The following CTNNA3 variants were observed in gnomAD, a reference collection of about 807,000 sequenced individuals.
CTNNA3 encodes catenin alpha 3.
CTNNA3 carries 76 observed loss-of-function variants against 95.7 expected under a neutral mutation model. The observed-to-expected ratio is 0.79, with a 90% CI of 0.66 to 0.96. The LOEUF (loss-of-function observed/expected upper bound fraction) is 0.96, where lower values mean the gene tolerates loss of function less well. CTNNA3 is among the 40% of genes least tolerant of loss of function. CTNNA3 has a pLI of 0.00. For missense variants in CTNNA3, 1,191 were observed against 1,089.8 expected (o/e 1.09, Z -1.31); for synonymous variants, 431 against 374.4 (o/e 1.15, Z -1.74).
intron 7 of CTNNA3, among the ~76,000 whole-genome samples, chr10:66,854,572 A>G (rs1341661208): frequency 2.0e-5 from 3 of 151,942 alleles, no homozygotes; most frequent in Non-Finnish European, 2.9e-5. Flanking sequence ...ATTACCTCCA[A>G]CTGGGAAGAT....
At chr10:66,308,000 A>G (rs2091955688) in intron 12 of CTNNA3, among the ~76,000 whole-genome samples, 1 of 152,158 alleles carries the variant, frequency 6.6e-6, no homozygotes, top group Non-Finnish European at 1.5e-5. Flanking sequence ...CCATACTGCC[A>G]CCCTAATTTG....
rs187159353 is a variant in CTNNA3, at chr10:66,922,942, C to T, written c.1048-147418G>A. Among the ~76,000 whole-genome samples the T allele has an allele frequency of 1.1e-3, 165 of 152,154 alleles. 1 individual carries two copies. The highest frequency in any genetic ancestry group is 3.8e-3 in the African/African-American group (157 of 41,504). On this transcript the variant is annotated intron_variant, in intron 7 of 17. Coordinates refer to ENST00000433211, the MANE Select transcript of CTNNA3 (RefSeq NM_013266.4). ...TGGTATCCATGCCCTTAAGCATTTA[C>T]GCTTTGTATAAAAAACAATCCAATT... is the stretch of plus-strand genomic sequence containing the variant.
intron 1 of CTNNA3, among the ~76,000 whole-genome samples, chr10:67,744,033 C>A (rs1043149404): frequency 6.6e-6 from 1 of 151,340 alleles, no homozygotes; most frequent in South Asian, 2.1e-4. Flanking sequence ...ACATTCCATG[C>A]TCATGGATAG....
At chr10:66,248,140 T>C (rs1159984030) in intron 13 of CTNNA3, among the ~76,000 whole-genome samples, 1 of 152,142 alleles carries the variant, frequency 6.6e-6, no homozygotes, top group African/African-American at 2.4e-5. Flanking sequence ...TTTTTTCTCA[T>C]TTGTTTGTTT....
At chr10:67,644,868 C>T (rs1253293406) in intron 2 of CTNNA3, among the ~76,000 whole-genome samples, 1 of 152,006 alleles carries the variant, frequency 6.6e-6, no homozygotes, top group East Asian at 1.9e-4. Flanking sequence ...AAATCAGTGA[C>T]TATTTTGAAA....
intron 7 of CTNNA3, among the ~76,000 whole-genome samples, chr10:67,090,104 C>T (rs1857541668): frequency 6.6e-6 from 1 of 152,086 alleles, no homozygotes; most frequent in South Asian, 2.1e-4. Flanking sequence ...AGGGATCTAA[C>T]TTTAAAAACC....
intron 5 of CTNNA3, among the ~76,000 whole-genome samples, chr10:67,482,092 T>G (rs1286333612): frequency 6.6e-6 from 1 of 152,078 alleles, no homozygotes; most frequent in African/African-American, 2.4e-5. Flanking sequence ...GGCTCTGTTC[T>G]GTTCCATTGA....
chr10:67,349,998 A>G (rs1292320729), intron 5 of CTNNA3, among the ~76,000 whole-genome samples: 1 of 152,176 alleles, frequency 6.6e-6, no homozygotes, highest in African/African-American at 2.4e-5. Flanking sequence ...GAACTGTGAC[A>G]GACAAGGCTA....
chr10:67,561,133 T>A (rs1312970078), intron 3 of CTNNA3, among the ~76,000 whole-genome samples: 1 of 145,892 alleles, frequency 6.9e-6, no homozygotes, highest in Admixed American at 6.7e-5. Flanking sequence ...CTGCATCAAG[T>A]GGACCTAATA....
At chr10:66,688,896 C>A (rs1267669385) in intron 9 of CTNNA3, among the ~76,000 whole-genome samples, 1 of 151,016 alleles carries the variant, frequency 6.6e-6, no homozygotes, top group African/African-American at 2.4e-5. Context: ...ATGGCGTGAA[C>A]CTGGGAGGTG....
intron 11 of CTNNA3, among the ~76,000 whole-genome samples, chr10:66,434,550 G>A (rs1216355197): frequency 6.6e-6 from 1 of 152,144 alleles, no homozygotes; most frequent in African/African-American, 2.4e-5. Context: ...TTGGGGCTGA[G>A]ATGACAGGGT....
At chr10:67,557,226 G>T (rs1026550752) in intron 3 of CTNNA3, among the ~76,000 whole-genome samples, 7 of 152,148 alleles carry the variant, frequency 4.6e-5, no homozygotes, top group Middle Eastern at 3.2e-3. Flanking sequence ...AAAAGGGACT[G>T]TGTCAACCAT....
intron 5 of CTNNA3, among the ~76,000 whole-genome samples, chr10:67,318,094 G>A (rs1005032048): frequency 6.6e-6 from 1 of 151,954 alleles, no homozygotes; most frequent in Non-Finnish European, 1.5e-5. Flanking sequence ...TAATATGTAG[G>A]AGAAAATGCC....
At chr10:66,916,837 T>G (rs901212328) in intron 7 of CTNNA3, among the ~76,000 whole-genome samples, 1 of 152,174 alleles carries the variant, frequency 6.6e-6, no homozygotes, top group Non-Finnish European at 1.5e-5. Context: ...GTCAGAAGTG[T>G]GGAGTATATA....
chr10:67,177,055 C>T (rs752808394), intron 7 of CTNNA3: 1 of 448,214 alleles, frequency 2.2e-6, no homozygotes, highest in Non-Finnish European at 4.5e-6. Flanking sequence ...CAATAGAAAA[C>T]TAACCAAACA....
At chr10:67,576,430 C>G (rs368871856) in intron 3 of CTNNA3, among the ~76,000 whole-genome samples, 3 of 152,080 alleles carry the variant, frequency 2.0e-5, no homozygotes, top group Admixed American at 6.6e-5. Flanking sequence ...TTCCTTACCC[C>G]CTCTACTATA....
chr10:67,548,817 A>G (rs1422549465), intron 3 of CTNNA3, among the ~76,000 whole-genome samples: 1 of 152,126 alleles, frequency 6.6e-6, no homozygotes, highest in East Asian at 1.9e-4. Flanking sequence ...AGGTAAAAAG[A>G]CAACACACAG....
chr10:66,873,859 C>G (rs1271082403), intron 7 of CTNNA3, among the ~76,000 whole-genome samples: 1 of 152,090 alleles, frequency 6.6e-6, no homozygotes, highest in African/African-American at 2.4e-5. Flanking sequence ...TAGCAAAGAA[C>G]TTATGTCTAA....
intron 7 of CTNNA3, among the ~76,000 whole-genome samples, chr10:66,937,909 C>T (rs78367913): frequency 3.5e-4 from 53 of 152,142 alleles, no homozygotes; most frequent in African/African-American, 1.1e-3. Flanking sequence ...CCCCCTCTCC[C>T]AGAGACTGCA....
Sources: gnomAD v4.1 joint callset for allele counts (sites outside exome capture counted in the v4.1 genomes callset) on GRCh38, gnomAD v4.1.1 for gene constraint, MANE v1.5 for transcripts, NCBI Gene and HGNC (gene_info 2026-07-23, HGNC 2026-07-21) for gene names.